Variants in FAM178B observed in about 807,000 individuals in gnomAD.
FAM178B encodes the protein protein FAM178B.
FAM178B carries 82 observed loss-of-function variants against 91.7 expected under a neutral mutation model. The ratio of observed to expected loss-of-function variants is 0.89; its 90% CI spans 0.75 to 1.07. FAM178B has a LOEUF of 1.07. Ranked by LOEUF, FAM178B falls within the 50% of genes least tolerant of loss-of-function variation. The pLI is 0.00. For missense variants in FAM178B, 769 were observed against 846.7 expected, an observed-to-expected ratio of 0.91 and a Z score of 1.14; for synonymous variants, 368 against 359.4, an observed-to-expected ratio of 1.02 and a Z score of -0.27.
At chr2:96,894,109 G>T (rs1025398381) in intron 13 of FAM178B, 58 bp from the exon 14 acceptor site, 24 of 1,549,906 alleles carry the variant, frequency 1.5e-5, no homozygotes, top group Non-Finnish European at 2.1e-5. Context: ...AGCTCAGGGT[G>T]CTCCCGGGAA....
At chr2:96,963,936 C>G (rs1730124) in intron 5 of FAM178B, among the ~76,000 whole-genome samples, 119,561 of 152,232 alleles carry the variant, frequency 0.79, 48,458 homozygotes, top group Non-Finnish European at 0.87. Context: ...CTTGGGGAGG[C>G]CGAGGCAGGC....
At chr2:96,980,957 G>C (rs1293895855) in intron 1 of FAM178B, among the ~76,000 whole-genome samples, 1 of 151,892 alleles carries the variant, frequency 6.6e-6, no homozygotes, top group Non-Finnish European at 1.5e-5. Flanking sequence ...CCACTGAATG[G>C]CTTCTCTTTC....
chr2:96,928,573 A>G (rs1481866222), intron 9 of FAM178B, among the ~76,000 whole-genome samples: 1 of 152,170 alleles, frequency 6.6e-6, no homozygotes, highest in Non-Finnish European at 1.5e-5. Flanking sequence ...TAACGGGCCA[A>G]ACAAGCGGCT....
At chr2:96,950,540 G>A (rs1332095798) in intron 7 of FAM178B, among the ~76,000 whole-genome samples, 2 of 152,166 alleles carry the variant, frequency 1.3e-5, no homozygotes, top group Admixed American at 1.3e-4. Context: ...CTGGGGTCCA[G>A]GCTCCAACTG....
At chr2:96,906,233 GCT>G (rs1353088691) in intron 12 of FAM178B, among the ~76,000 whole-genome samples, 5 of 127,518 alleles carry the variant, frequency 3.9e-5, no homozygotes, top group African/African-American at 1.2e-4. Flanking sequence ...CAGGAGTCTT[GCT>G]CTGTTTCCCA....
intron 16 of FAM178B, among the ~76,000 whole-genome samples, chr2:96,877,557 C>T (rs538756244): frequency 1.2e-4 from 18 of 152,328 alleles, no homozygotes; most frequent in African/African-American, 2.9e-4. Flanking sequence ...CGCACACCAC[C>T]GCGCCCGGCT....
At chr2:96,893,199 C>T (rs746568308) in intron 14 of FAM178B, among the ~76,000 whole-genome samples, 5 of 152,142 alleles carry the variant, frequency 3.3e-5, no homozygotes, top group Admixed American at 6.5e-5. Flanking sequence ...TCCCGAGTCC[C>T]CAGGGGCAGC....
At position 96,876,129 on chromosome 2, in the gene FAM178B, G is replaced by GGGGC; in HGVS notation, c.*143_*146dup. On this transcript the variant is annotated 3_prime_UTR_variant, in exon 17 of 17. Coordinates refer to ENST00000490605, the MANE Select transcript of FAM178B (RefSeq NM_001122646.3). ...GGCTCTTGCAGAGAGGAGAGGGGTCGGGGCGGTGGCAGGGGCAGGCTCTTG... is the reference window on the plus strand; with the variant it reads ...GGCTCTTGCAGAGAGGAGAGGGGTCGGGGCGGGCGGTGGCAGGGGCAGGCTCTTG... The GGGGC allele has an allele frequency of 1.3e-6, 1 of 758,906 alleles. No individual in the cohort carries two copies. Among genetic ancestry groups the GGGGC allele is most frequent in the Admixed American group, 2.5e-5 (1 of 40,512 alleles). The allele number at this position is 758,906 out of a possible 1,614,324, so 47.0% of individuals were successfully genotyped here. A position where few individuals can be genotyped will look rare whatever the true frequency, so the allele number is the denominator to read the frequency against.
intron 7 of FAM178B, 141 bp from the exon 8 acceptor site, chr2:96,948,043 A>T: frequency 1.7e-6 from 1 of 596,864 alleles, no homozygotes; most frequent in South Asian, 2.1e-5. Flanking sequence ...GGACATTGTC[A>T]TTGTTGCCAA....
Position 96,972,145 on chromosome 2 carries a change from G to T in FAM178B, c.320C>A (p.Pro107His). The change falls in exon 3 of 17, where the codon CCC becomes CAC. Residue 107 changes from proline to histidine, a missense_variant. Coordinates refer to ENST00000490605, the MANE Select transcript of FAM178B (RefSeq NM_001122646.3). ...PKIQAPGETF[P>H]TDWSPPPVEF... Reference sequence around the variant, plus strand: ...CACGGGCGGGGGGCTCCAGTCAGTGGGAAACGTTTCCCCAGGTGCCTGTAT... The same window carrying T: ...CACGGGCGGGGGGCTCCAGTCAGTGTGAAACGTTTCCCCAGGTGCCTGTAT... The T allele has an allele frequency of 6.5e-7, 1 of 1,539,490 alleles. No homozygotes were observed. Among genetic ancestry groups the T allele is most frequent in the Non-Finnish European group, 8.8e-7 (1 of 1,141,418 alleles).
At chr2:96,978,290 C>G (rs1330667483) in intron 1 of FAM178B, among the ~76,000 whole-genome samples, 1 of 152,182 alleles carries the variant, frequency 6.6e-6, no homozygotes, top group Admixed American at 6.5e-5. Context: ...CAAAATCACA[C>G]ACACATTTTT....
intron 8 of FAM178B, among the ~76,000 whole-genome samples, chr2:96,936,566 A>G (rs2081635735): frequency 6.7e-6 from 1 of 148,328 alleles, no homozygotes; most frequent in South Asian, 2.1e-4. Flanking sequence ...CTGGAGTGCA[A>G]TGGCATGATC....
At chr2:96,954,051 T>C (rs2081965394) in intron 6 of FAM178B, among the ~76,000 whole-genome samples, 1 of 152,200 alleles carries the variant, frequency 6.6e-6, no homozygotes, top group South Asian at 2.1e-4. Context: ...ACACGGATGC[T>C]GGGTCCAAGG....
intron 12 of FAM178B, among the ~76,000 whole-genome samples, chr2:96,920,511 T>C (rs1574248712): frequency 6.6e-6 from 1 of 150,516 alleles, no homozygotes; most frequent in Non-Finnish European, 1.5e-5. Context: ...GAGGCAGGAG[T>C]ATGGCGTGAA....
At chr2:96,961,619 A>G (rs949020371) in intron 5 of FAM178B, among the ~76,000 whole-genome samples, 2 of 152,246 alleles carry the variant, frequency 1.3e-5, no homozygotes, top group Non-Finnish European at 2.9e-5. Flanking sequence ...GAGACGGCCC[A>G]TTCCCTGGTT....
At chr2:96,886,926 A>G (rs2153367874) in intron 14 of FAM178B, among the ~76,000 whole-genome samples, 2 of 152,226 alleles carry the variant, frequency 1.3e-5, no homozygotes, top group South Asian at 4.1e-4. Context: ...TTAAAAAAAA[A>G]CCTTTTGGCC....
intron 9 of FAM178B, among the ~76,000 whole-genome samples, chr2:96,924,323 G>A (rs897314793): frequency 6.6e-6 from 1 of 152,210 alleles, no homozygotes; most frequent in Non-Finnish European, 1.5e-5. Context: ...AAGCCAGCAA[G>A]TATGGGGGAA....
rs745677858 is a variant in FAM178B, at chr2:96,876,295, C to T, written c.2021G>A (p.Ser674Asn). ...THCQPQAQYF[S>N]PWKDI is the part of the protein sequence containing the mutation. The stretch of plus-strand genomic sequence containing the variant: ...GTCCCTTTAGATGTCTTTCCAGGGG[C>T]TGAAATACTGGGCCTGCGGCGAGGA... Residue 674 changes from serine to asparagine, a missense_variant, in exon 17 of 17, where the codon AGC becomes AAC. Coordinates refer to ENST00000490605, the MANE Select transcript of FAM178B (RefSeq NM_001122646.3). 1.9e-6 allele frequency: 3 copies of T among 1,606,516 alleles called. 1 individual carries two copies. The highest frequency in any genetic ancestry group is 2.3e-5 in the South Asian group (2 of 88,742).
chr2:96,895,776 C>T (rs866125728), intron 13 of FAM178B, among the ~76,000 whole-genome samples: 1 of 152,226 alleles, frequency 6.6e-6, no homozygotes, highest in South Asian at 2.1e-4. Flanking sequence ...CAGCCCAGCC[C>T]CCCTCTTGAG....
Sources: allele counts gnomAD v4.1 joint callset (sites outside exome capture counted in the v4.1 genomes callset), GRCh38; gene constraint gnomAD v4.1.1; transcripts MANE v1.5; gene names NCBI Gene and HGNC (gene_info 2026-07-23, HGNC 2026-07-21).